The following SCAMP2 variants were observed in gnomAD, a reference collection of about 807,000 sequenced individuals.
SCAMP2 encodes secretory carrier-associated membrane protein 2.
Under a neutral mutation model 44.1 loss-of-function variants are expected in SCAMP2, and 25 were observed. That is an observed-to-expected ratio of 0.57 (90% CI 0.41 to 0.79). The LOEUF is 0.79. SCAMP2 is among the 30% of genes least tolerant of loss of function. The pLI, the probability that SCAMP2 is intolerant of heterozygous loss-of-function variation, is 0.00. For synonymous variants in SCAMP2, 156 were observed against 166.0 expected, an observed-to-expected ratio of 0.94 and a Z score of 0.46; for missense variants, 355 against 411.0, an observed-to-expected ratio of 0.86 and a Z score of 1.18.
intron 1 of SCAMP2, among the ~76,000 whole-genome samples, chr15:74,856,280 T>TC (rs1368410726): frequency 1.4e-5 from 2 of 144,094 alleles, no homozygotes; most frequent in Admixed American, 1.4e-4. Context: ...TTTTTTTTTT[T>TC]TTTTTTTTTT....
intron 3 of SCAMP2, chr15:74,853,773 G>C: frequency 1.8e-6 from 1 of 558,230 alleles, no homozygotes; most frequent in South Asian, 2.1e-5. Flanking sequence ...GAGGCACCGA[G>C]GAGCCCGGCC....
intron 7 of SCAMP2, among the ~76,000 whole-genome samples, chr15:74,845,874 C>T (rs903602139): frequency 2.0e-5 from 3 of 152,258 alleles, no homozygotes; most frequent in South Asian, 2.1e-4. Flanking sequence ...GAAGTAGCAC[C>T]GGGCTGGGTG....
intron 1 of SCAMP2, among the ~76,000 whole-genome samples, chr15:74,861,029 G>T (rs1440589049): frequency 6.6e-6 from 1 of 151,902 alleles, no homozygotes; most frequent in Non-Finnish European, 1.5e-5. Flanking sequence ...ACAAAAATTA[G>T]CCAGGCATGG....
Position 74,848,620 on chromosome 15 carries a change from G to A in SCAMP2, c.714C>T (p.Gly238=), listed in dbSNP as rs1596413977. The A allele has an allele frequency of 6.2e-7, 1 of 1,610,964 alleles. No individual in the cohort carries two copies. Among genetic ancestry groups the A allele is most frequent in the Middle Eastern group, 1.7e-4 (1 of 6,048 alleles). The change falls in exon 7 of 9, where the codon GGC becomes GGT. Residue 238 remains glycine (G), a synonymous_variant. Transcript: ENST00000268099. ...CTCACCTGTCCCCCAGGCCAGGGAT[G>A]CCAACCAACTGGATGATGTAGATCC... ...QIGIYIIQLV[G]IPGLGDSGWI...
intron 2 of SCAMP2, 75 bp from the exon 3 acceptor site, chr15:74,854,194 G>A: frequency 9.2e-6 from 12 of 1,302,016 alleles, no homozygotes; most frequent in Non-Finnish European, 1.2e-5. Context: ...ACCCACAGCA[G>A]GATGAGTGAT....
chr15:74,851,220 C>T, intron 5 of SCAMP2, 133 bp downstream of exon 5: 1 of 1,086,452 alleles, frequency 9.2e-7, no homozygotes, highest in Non-Finnish European at 1.3e-6. Context: ...TCTCCCCAAC[C>T]CAGCCCAGGC....
Position 74,851,334 on chromosome 15 carries a change from A to T in SCAMP2, c.472+19T>A. On this transcript the variant is annotated intron_variant, in intron 5 of 8. Coordinates refer to ENST00000268099, the MANE Select transcript of SCAMP2 (RefSeq NM_005697.5). ...CACCCAATTCGCCCTTGCGCTTGGA[A>T]GGCAGGAGTGGGACTCACACATCCA... 1 of 1,610,690 alleles carries T rather than the reference A, an allele frequency of 6.2e-7. No individual in the cohort carries two copies.
intron 3 of SCAMP2, 200 bp from the exon 4 acceptor site, chr15:74,852,386 C>A (rs1024866648): frequency 3.0e-5 from 12 of 402,620 alleles, no homozygotes; most frequent in African/African-American, 1.9e-4. Context: ...TGCCCCCACA[C>A]CTTCCTGACC....
chr15:74,865,123 G>A (rs1264015953), intron 1 of SCAMP2, among the ~76,000 whole-genome samples: 4 of 145,134 alleles, frequency 2.8e-5, no homozygotes, highest in African/African-American at 1.0e-4. Flanking sequence ...GCTCACGCCT[G>A]TAATCCCAGC....
chr15:74,872,968 A>G (rs1567257855), intron 1 of SCAMP2: 2 of 460,146 alleles, frequency 4.3e-6, no homozygotes. Context: ...TCCGGGTGCT[A>G]GAAGACCCCA....
At chr15:74,845,726 T>C in intron 7 of SCAMP2, 133 bp from the exon 8 acceptor site, 1 of 1,135,658 alleles carries the variant, frequency 8.8e-7, no homozygotes, top group East Asian at 2.4e-5. Flanking sequence ...CAGGGAGCCC[T>C]GTGAGCCAGA....
At chr15:74,852,003 G>T in intron 4 of SCAMP2, 66 bp downstream of exon 4, 3 of 1,139,600 alleles carry the variant, frequency 2.6e-6, no homozygotes, top group Non-Finnish European at 3.7e-6. Context: ...GAGGCCCTCC[G>T]CACAGGTTTC....
chr15:74,868,851 G>A (rs1046940138), intron 1 of SCAMP2, among the ~76,000 whole-genome samples: 1 of 152,144 alleles, frequency 6.6e-6, no homozygotes, highest in African/African-American at 2.4e-5. Context: ...GCCAAGCCTT[G>A]TGAATCTTTG....
At chr15:74,856,261 G>GTTTTTTTTTTTTTTTTTTTT (rs1567251963) in intron 1 of SCAMP2, among the ~76,000 whole-genome samples, 1 of 108,638 alleles carries the variant, frequency 9.2e-6, no homozygotes, top group African/African-American at 3.5e-5. Context: ...TGCAGAGCCA[G>GTTTTTTTTTTTTTTTTTTTT]TTCTTTTTTT....
At chr15:74,847,597 C>G (rs1275447482) in intron 7 of SCAMP2, among the ~76,000 whole-genome samples, 1 of 152,216 alleles carries the variant, frequency 6.6e-6, no homozygotes, top group Non-Finnish European at 1.5e-5. Context: ...GGCAACCTTT[C>G]TCTCCCCACT....
intron 1 of SCAMP2, among the ~76,000 whole-genome samples, chr15:74,872,673 C>A (rs1489906550): frequency 1.3e-5 from 2 of 152,280 alleles, no homozygotes; most frequent in African/African-American, 4.8e-5. Context: ...ATCTTTCTTT[C>A]CCTGACAAAT....
At chr15:74,866,345 T>C (rs2064544113) in intron 1 of SCAMP2, among the ~76,000 whole-genome samples, 1 of 150,996 alleles carries the variant, frequency 6.6e-6, no homozygotes, top group Non-Finnish European at 1.5e-5. Flanking sequence ...GGGGTAAGAG[T>C]GGACACAGGA....
At chr15:74,860,898 G>A (rs1164133853) in intron 1 of SCAMP2, among the ~76,000 whole-genome samples, 1 of 151,734 alleles carries the variant, frequency 6.6e-6, no homozygotes, top group Non-Finnish European at 1.5e-5. Flanking sequence ...ATTCTGGCCA[G>A]GCACGGTGGC....
intron 1 of SCAMP2, among the ~76,000 whole-genome samples, chr15:74,860,419 TG>T (rs77387700): frequency 0.083 from 12,265 of 147,334 alleles, 720 homozygotes; most frequent in East Asian, 0.29. Context: ...CCAGGCGTGA[TG>T]GCTCACGCCT....
Sources: allele counts gnomAD v4.1 joint callset (sites outside exome capture counted in the v4.1 genomes callset), GRCh38; gene constraint gnomAD v4.1.1; transcripts MANE v1.5; gene names NCBI Gene and HGNC (gene_info 2026-07-23, HGNC 2026-07-21).